YIF1A: variants seen among roughly 807,000 people sequenced by gnomAD.
YIF1A encodes Yip1 interacting factor homolog A, membrane trafficking protein, also known as protein YIF1A.
YIF1A carries 28 observed loss-of-function variants against 32.6 expected under a neutral mutation model. That is an observed-to-expected ratio of 0.86 (90% CI 0.64 to 1.18). The LOEUF (loss-of-function observed/expected upper bound fraction) is 1.18. Ranked by LOEUF, YIF1A falls within the 50% of genes most tolerant of loss-of-function variation. YIF1A has a pLI of 0.00. For synonymous variants in YIF1A, 175 were observed against 162.2 expected (o/e 1.08, Z -0.60); for missense variants, 373 against 390.8 (o/e 0.95, Z 0.38).
At chr11:66,287,536 C>G (rs1857373765) in intron 4 of YIF1A, 62 bp downstream of exon 4, 1 of 1,527,302 alleles carries the variant, frequency 6.5e-7, no homozygotes. Flanking sequence ...ATTCATCCCT[C>G]AAGGCACAAG....
In YIF1A at chr11:66,289,111, C is replaced by G. The variant is rs1857415156; in HGVS notation, c.-126G>C. The G allele has an allele frequency of 7.5e-7, 1 of 1,334,470 alleles. No individual in the cohort carries two copies. The highest frequency in any genetic ancestry group is 1.5e-5 in the African/African-American group (1 of 64,854). The allele number at this position is 1,334,470 out of a possible 1,614,324, so 82.7% of individuals were successfully genotyped here. On this transcript the variant is annotated 5_prime_UTR_variant, in exon 1 of 8. Transcript: ENST00000376901. ...CCCGGCCGCGCGACACGTCCCCCAC[C>G]CCGCCGGTCTCGGCCACCATGTCCG...
chr11:66,287,357 C>A, intron 4 of YIF1A: 1 of 553,102 alleles, frequency 1.8e-6, no homozygotes, highest in Non-Finnish European at 3.3e-6. Context: ...GGATACAGTC[C>A]AAATCAAGAA....
intron 1 of YIF1A, among the ~76,000 whole-genome samples, 162 bp downstream of exon 1, chr11:66,288,793 G>A (rs566887838): frequency 6.6e-6 from 1 of 152,336 alleles, no homozygotes; most frequent in Admixed American, 6.5e-5. Flanking sequence ...GGGCCGAGAG[G>A]GCGAAGTCCG....
chr11:66,288,382 G>A (rs530405286), intron 1 of YIF1A, 90 bp from the exon 2 acceptor site: 3 of 1,492,174 alleles, frequency 2.0e-6, no homozygotes, highest in Non-Finnish European at 2.8e-6. Flanking sequence ...AGCCCTGCAC[G>A]GGTCCTGGAG....
rs2134886391 is a variant in YIF1A at position 66,285,248 on chromosome 11, G to C, written c.641+133C>G. 3 of 1,351,150 alleles carry C rather than the reference G, an allele frequency of 2.2e-6. No homozygotes were observed. The East Asian group carries it at 6.9e-5, about 31-fold the overall frequency. 83.7% of individuals were successfully genotyped at this position (1,351,150 alleles called of 1,614,324 possible). A position where few individuals can be genotyped will look rare whatever the true frequency, so the allele number is the denominator to read the frequency against. ...CGCAGATCCTCAGGAGACTGCTGGA[G>C]ACAGCTGCTCCCTCTTAACAGAGCA... is the stretch of plus-strand genomic sequence containing the variant. On this transcript the variant is annotated intron_variant, in intron 6 of 7. Coordinates refer to ENST00000376901, the MANE Select transcript of YIF1A (RefSeq NM_020470.3).
Position 66,288,155 on chromosome 11 carries a change from C to G in YIF1A, c.169G>C (p.Asp57His). 6.2e-7 allele frequency: 1 copy of G among 1,614,174 alleles called. No individual in the cohort carries two copies. Among genetic ancestry groups the G allele is most frequent in the East Asian group, 2.2e-5 (1 of 44,886 alleles). The change falls in exon 2 of 8, where the codon GAC becomes CAC. Residue 57 changes from aspartate (D) to histidine (H), a missense_variant. Transcript: ENST00000376901. ...VAFSVNHLLG[D>H]PMANVAMAYG... is the part of the protein sequence containing the mutation. ...GCCATAGCCACATTGGCCATTGGGTCCCCAAGCAAGTGGTTGACACTGAAG... is the reference window on the plus strand; with the variant it reads ...GCCATAGCCACATTGGCCATTGGGTGCCCAAGCAAGTGGTTGACACTGAAG...
At chr11:66,286,532 G>A (rs888494968) in intron 4 of YIF1A, among the ~76,000 whole-genome samples, 5 of 152,214 alleles carry the variant, frequency 3.3e-5, no homozygotes, top group African/African-American at 1.2e-4. Context: ...ACTGAGGCAG[G>A]AGGATCACCA....
chr11:66,285,277 C>G, intron 6 of YIF1A, 104 bp downstream of exon 6: 2 of 1,499,900 alleles, frequency 1.3e-6, no homozygotes, highest in Non-Finnish European at 1.8e-6. Context: ...CAGAGCAGTG[C>G]TAGAGGTCAC....
chr11:66,289,097 G>T lies in YIF1A; in HGVS notation c.-112C>A. On this transcript the variant is annotated 5_prime_UTR_variant, in exon 1 of 8. The change creates a premature stop within an existing upstream ORF in the 5' untranslated region. Transcript: ENST00000376901. ...ACCGACCGAGGCCACCCGGCCGCGC[G>T]ACACGTCCCCCACCCCGCCGGTCTC... is the stretch of plus-strand genomic sequence containing the variant. The T allele has an allele frequency of 7.2e-7, 1 of 1,393,278 alleles. No individual in the cohort carries two copies. Among genetic ancestry groups the T allele is most frequent in the Non-Finnish European group, 9.4e-7 (1 of 1,064,846 alleles). 86.3% of individuals were successfully genotyped at this position (1,393,278 alleles called of 1,614,324 possible).
At position 66,285,762 on chromosome 11, in the gene YIF1A, C is replaced by T. The variant is rs1359151710; in HGVS notation, c.428-4G>A. The T allele has an allele frequency of 6.2e-7, 1 of 1,612,578 alleles. No homozygotes were observed. The highest frequency in any genetic ancestry group is 1.1e-5 in the South Asian group (1 of 91,020). On this transcript the variant is annotated splice_polypyrimidine_tract_variant and splice_region_variant and intron_variant, in intron 4 of 7. Coordinates refer to ENST00000376901, the MANE Select transcript of YIF1A (RefSeq NM_020470.3). ...ACGTAAGTAATGAAGGCCATCGCTGCCAAGTGCCAGAGAGATGCCATCAGC... is the reference window on the plus strand; with the variant it reads ...ACGTAAGTAATGAAGGCCATCGCTGTCAAGTGCCAGAGAGATGCCATCAGC...
In YIF1A at chr11:66,287,851, G is replaced by A; in HGVS notation, c.309C>T (p.Ala103=). The A allele has an allele frequency of 6.2e-7, 1 of 1,613,974 alleles. No homozygotes were observed. The highest frequency in any genetic ancestry group is 8.5e-7 in the Non-Finnish European group (1 of 1,180,004). Residue 103 remains alanine (A), a synonymous_variant, in exon 3 of 8, where the codon GCC becomes GCT. Coordinates refer to ENST00000376901, the MANE Select transcript of YIF1A (RefSeq NM_020470.3). ...YFFAVDTAYV[A]KKLGLLVFPY... ...GGAAGACCAGCAGCCCTAGCTTCTT[G>A]GCCACGTAGGCTGTGTCCACAGCAA...
chr11:66,285,085 A>G, intron 6 of YIF1A, 119 bp from the exon 7 acceptor site: 1 of 1,098,320 alleles, frequency 9.1e-7, no homozygotes, highest in Middle Eastern at 2.8e-4. Flanking sequence ...TTTACTCTCA[A>G]TCTGTCCCCA....
At chr11:66,288,587 T>C (rs1857400957) in intron 1 of YIF1A, among the ~76,000 whole-genome samples, 2 of 152,130 alleles carry the variant, frequency 1.3e-5, no homozygotes, top group South Asian at 4.1e-4. Context: ...TGAGCCACAG[T>C]GAGTAGAAGT....
chr11:66,285,121 T>G, intron 6 of YIF1A, 155 bp from the exon 7 acceptor site: 1 of 905,506 alleles, frequency 1.1e-6, no homozygotes, highest in South Asian at 1.7e-5. Flanking sequence ...CAAAGGGATA[T>G]GGAAGGCCCA....
rs747041700 is a variant in YIF1A at position 66,287,665 on chromosome 11, C to T, written c.360G>A (p.Val120=). 4 of 1,613,344 alleles carry T rather than the reference C, an allele frequency of 2.5e-6. No homozygotes were observed. The African/African-American group carries it at 4.0e-5, about 16-fold the overall frequency. The part of the protein sequence containing the change: ...VFPYTHQNWE[V]QYSRDAPLPP... ...GCAGAGGAGCATCACGACTGTACTG[C>T]ACTTCCCAGTTCTGGCAGTGGCAGT... The change falls in exon 4 of 8, where the codon GTG becomes GTA. Residue 120 remains valine, a synonymous_variant. Coordinates refer to ENST00000376901, the MANE Select transcript of YIF1A (RefSeq NM_020470.3).
At chr11:66,287,444 G>A (rs1054052616) in intron 4 of YIF1A, 154 bp downstream of exon 4, 44 of 878,958 alleles carry the variant, frequency 5.0e-5, no homozygotes, top group African/African-American at 8.3e-5. Context: ...ACCCTGCACT[G>A]CCTGCCTGGT....
intron 6 of YIF1A, 108 bp downstream of exon 6, chr11:66,285,273 A>G: frequency 6.9e-7 from 1 of 1,459,586 alleles, no homozygotes; most frequent in Non-Finnish European, 9.3e-7. Flanking sequence ...TTAACAGAGC[A>G]GTGCTAGAGG....
intron 3 of YIF1A, 38 bp from the exon 4 acceptor site, chr11:66,287,714 G>A: frequency 6.2e-7 from 1 of 1,610,998 alleles, no homozygotes; most frequent in Non-Finnish European, 8.5e-7. Context: ...ACATCAGGAG[G>A]GGAAGAAGAG....
Position 66,285,545 on chromosome 11 carries a change from A to G in YIF1A, c.486-9T>C, listed in dbSNP as rs1424464239. The stretch of plus-strand genomic sequence containing the variant: ...GCACCTCCGGGGAGAACCTGCGCCA[A>G]AGCAGGGGTGGCTCAGAGCCAGGCA... On this transcript the variant is annotated splice_polypyrimidine_tract_variant and intron_variant, in intron 5 of 7. Transcript: ENST00000376901. 1.9e-6 allele frequency: 3 copies of G among 1,612,874 alleles called. No homozygotes were observed. The Admixed American group carries it at 5.0e-5, about 27-fold the overall frequency.
Sources: gnomAD v4.1 joint callset for allele counts (sites outside exome capture counted in the v4.1 genomes callset) on GRCh38, gnomAD v4.1.1 for gene constraint, MANE v1.5 for transcripts, NCBI Gene and HGNC (gene_info 2026-07-23, HGNC 2026-07-21) for gene names.